Variants in XKR6 observed in about 807,000 individuals in gnomAD.
The protein encoded by XKR6 is XK-related protein 6.
Under a neutral mutation model 56.7 loss-of-function variants are expected in XKR6, and 22 were observed. The ratio of observed to expected loss-of-function variants is 0.39; its 90% confidence interval spans 0.28 to 0.55. XKR6 has a LOEUF of 0.55. Ranked by LOEUF, XKR6 falls within the 20% of genes least tolerant of loss-of-function variation. The pLI is 0.66. For missense variants in XKR6, 852 were observed against 889.0 expected, an observed-to-expected ratio of 0.96 and a Z score of 0.53; for synonymous variants, 524 against 387.8, an observed-to-expected ratio of 1.35 and a Z score of -4.13.
intron 1 of XKR6, among the ~76,000 whole-genome samples, chr8:11,090,696 G>T (rs572672226): frequency 6.6e-6 from 1 of 152,116 alleles, no homozygotes; most frequent in African/African-American, 2.4e-5. Context: ...GAAAGTGCCT[G>T]TTCATATTTT....
intron 2 of XKR6, among the ~76,000 whole-genome samples, chr8:10,916,687 G>T (rs1800573878): frequency 6.6e-6 from 1 of 152,200 alleles, no homozygotes; most frequent in Non-Finnish European, 1.5e-5. Context: ...GATGCTTCAT[G>T]TGGGATGCTT....
At chr8:11,122,801 G>A (rs751881282) in intron 1 of XKR6, among the ~76,000 whole-genome samples, 1 of 152,106 alleles carries the variant, frequency 6.6e-6, no homozygotes, top group Non-Finnish European at 1.5e-5. Context: ...TATTTAATCT[G>A]ACTTGGACCC....
intron 1 of XKR6, among the ~76,000 whole-genome samples, chr8:10,994,661 C>G (rs1023221439): frequency 6.6e-6 from 1 of 152,182 alleles, no homozygotes; most frequent in Non-Finnish European, 1.5e-5. Flanking sequence ...TGAGTGTGTA[C>G]TCTCCACTTA....
At chr8:11,140,077 C>T (rs1800611300) in intron 1 of XKR6, among the ~76,000 whole-genome samples, 1 of 150,016 alleles carries the variant, frequency 6.7e-6, no homozygotes, top group Non-Finnish European at 1.5e-5. Flanking sequence ...AACACGTAAA[C>T]ACAAAAATGC....
intron 1 of XKR6, among the ~76,000 whole-genome samples, chr8:11,080,351 C>T (rs1327174362): frequency 4.0e-5 from 6 of 151,628 alleles, no homozygotes; most frequent in African/African-American, 7.3e-5. Flanking sequence ...TAAGAAAGGA[C>T]AGGCTTTAGA....
In XKR6 at chr8:11,115,949, G is replaced by C. The variant is rs368718335; in HGVS notation, c.764+84627C>G. Among the ~76,000 whole-genome samples the C allele has an allele frequency of 4.6e-5, 7 of 152,246 alleles. No homozygotes were observed. The South Asian group carries it at 1.5e-3, about 32-fold the overall frequency. On this transcript the variant is annotated intron_variant, in intron 1 of 2. Coordinates refer to ENST00000416569, the MANE Select transcript of XKR6 (RefSeq NM_173683.4). Reference sequence around the variant, plus strand: ...AAATGTTTTGACTCTGAAGTTCATAGGTCTCAGAAAATACTTTAAAGTAAT... The same window carrying C: ...AAATGTTTTGACTCTGAAGTTCATACGTCTCAGAAAATACTTTAAAGTAAT...
Position 11,035,301 on chromosome 8 carries a change from G to C in XKR6, c.765-110471C>G, listed in dbSNP as rs776437313. 5.6e-6 allele frequency: 3 copies of C among 534,692 alleles called. No homozygotes were observed. In the African/African-American group the frequency reaches 5.8e-5, roughly 10 times the overall value. 33.1% of individuals were successfully genotyped at this position (534,692 alleles called of 1,614,324 possible). ...CCGCCAGCATCAGCAGCATCATCAA[G>C]CCATCTTCCTGCGTTGTGGCAGCTT... On this transcript the variant is annotated intron_variant, in intron 1 of 2. Coordinates refer to ENST00000416569, the MANE Select transcript of XKR6 (RefSeq NM_173683.4).
At chr8:11,094,253 A>G (rs1261612802) in intron 1 of XKR6, among the ~76,000 whole-genome samples, 1 of 152,184 alleles carries the variant, frequency 6.6e-6, no homozygotes, top group Non-Finnish European at 1.5e-5. Flanking sequence ...ATATGTATGT[A>G]TCTCGGCTCA....
chr8:11,132,363 C>T (rs1800146042), intron 1 of XKR6, among the ~76,000 whole-genome samples: 1 of 150,984 alleles, frequency 6.6e-6, no homozygotes, highest in Admixed American at 6.6e-5. Flanking sequence ...TTTTCTTTTT[C>T]TTTTTTTTTC....
chr8:11,094,143 C>T (rs1170054536), intron 1 of XKR6, among the ~76,000 whole-genome samples: 2 of 149,950 alleles, frequency 1.3e-5, no homozygotes. Context: ...GTGGTCATAT[C>T]CTAGATCCAC....
chr8:11,087,835 G>C (rs765504067), intron 1 of XKR6, among the ~76,000 whole-genome samples: 8 of 152,212 alleles, frequency 5.3e-5, no homozygotes, highest in African/African-American at 9.6e-5. Context: ...TCCGTCACTA[G>C]AAATGCTCGA....
At chr8:10,993,228 T>C (rs1191702434) in intron 1 of XKR6, among the ~76,000 whole-genome samples, 3 of 152,224 alleles carry the variant, frequency 2.0e-5, no homozygotes. Context: ...GCTGGGATGC[T>C]TTTTATTCAA....
chr8:10,971,144 G>A (rs577340115), intron 1 of XKR6, among the ~76,000 whole-genome samples: 69 of 151,572 alleles, frequency 4.6e-4, no homozygotes, highest in Non-Finnish European at 8.0e-4. Flanking sequence ...AAGCAGCGCC[G>A]GGCACGGTGG....
At chr8:11,028,516 C>T (rs1396520718) in intron 1 of XKR6, among the ~76,000 whole-genome samples, 1 of 152,106 alleles carries the variant, frequency 6.6e-6, no homozygotes, top group African/African-American at 2.4e-5. Flanking sequence ...TGTACAAAAC[C>T]ACCAATAGCT....
At chr8:11,146,285 G>A (rs375420723) in intron 1 of XKR6, among the ~76,000 whole-genome samples, 1 of 152,150 alleles carries the variant, frequency 6.6e-6, no homozygotes, top group African/African-American at 2.4e-5. Context: ...GTGCCCTTGG[G>A]CTTGACAAAG....
intron 1 of XKR6, among the ~76,000 whole-genome samples, chr8:11,019,554 G>A (rs1440007006): frequency 6.6e-6 from 1 of 152,200 alleles, no homozygotes; most frequent in Non-Finnish European, 1.5e-5. Flanking sequence ...TCAGGAACAG[G>A]CTGCTAGAAC....
intron 1 of XKR6, chr8:11,105,566 T>G (rs1338122979): frequency 6.6e-6 from 1 of 152,250 alleles, no homozygotes; most frequent in African/African-American, 2.4e-5. Flanking sequence ...CACTGATGAC[T>G]GGGTAGAAAA....
intron 2 of XKR6, among the ~76,000 whole-genome samples, chr8:10,910,446 G>A (rs925461216): frequency 6.6e-6 from 1 of 152,162 alleles, no homozygotes; most frequent in Admixed American, 6.5e-5. Flanking sequence ...CTCTGATAAA[G>A]AGTGGATGAC....
chr8:11,063,570 A>C (rs1264815098), intron 1 of XKR6, among the ~76,000 whole-genome samples: 3 of 151,680 alleles, frequency 2.0e-5, no homozygotes, highest in African/African-American at 7.3e-5. Context: ...TATGGCATTG[A>C]TCTATTATTA....
Sources: gnomAD v4.1 joint callset for allele counts (sites outside exome capture counted in the v4.1 genomes callset) on GRCh38, gnomAD v4.1.1 for gene constraint, MANE v1.5 for transcripts, NCBI Gene and HGNC (gene_info 2026-07-23, HGNC 2026-07-21) for gene names.